The following ITGB3 variants were observed in gnomAD, a reference collection of about 807,000 sequenced individuals.
The protein encoded by ITGB3 is integrin beta-3.
ITGB3 carries 48 observed loss-of-function variants against 85.8 expected under a neutral mutation model. The ratio of observed to expected loss-of-function variants is 0.56; its 90% CI spans 0.44 to 0.71. ITGB3 has a LOEUF of 0.71. ITGB3 is among the 30% of genes least tolerant of loss of function. The pLI is 0.00. For synonymous variants in ITGB3, 363 were observed against 395.6 expected, an observed-to-expected ratio of 0.92 and a Z score of 0.98; for missense variants, 861 against 1,019.1, an observed-to-expected ratio of 0.84 and a Z score of 2.11.
intron 10 of ITGB3, among the ~76,000 whole-genome samples, chr17:47,296,734 T>G (rs1228531591): frequency 2.0e-5 from 3 of 152,310 alleles, no homozygotes; most frequent in African/African-American, 4.8e-5. Context: ...AACATCCTAA[T>G]GTACAGGACA....
chr17:47,254,428 T>C (rs181648103), intron 1 of ITGB3, among the ~76,000 whole-genome samples: 8 of 152,312 alleles, frequency 5.3e-5, no homozygotes, highest in Non-Finnish European at 1.0e-4. Context: ...ACATTTCCAA[T>C]TTCTCCTGTT....
intron 1 of ITGB3, among the ~76,000 whole-genome samples, chr17:47,272,494 A>G (rs1382486387): frequency 6.6e-6 from 1 of 152,116 alleles, no homozygotes; most frequent in East Asian, 1.9e-4. Context: ...ATAGGTCAAC[A>G]TCTACTCTTA....
chr17:47,302,700 C>T (rs1275662856), intron 12 of ITGB3, 21 bp from the exon 13 acceptor site: 1 of 1,613,890 alleles, frequency 6.2e-7, no homozygotes, highest in Admixed American at 1.7e-5. Context: ...CTTTTTATTC[C>T]TCCATTTTCC....
intron 1 of ITGB3, among the ~76,000 whole-genome samples, chr17:47,265,432 C>T (rs1367802464): frequency 6.6e-6 from 1 of 152,196 alleles, no homozygotes; most frequent in Non-Finnish European, 1.5e-5. Context: ...AATCCTTCCT[C>T]CTTCCTATCT....
chr17:47,299,546 GGA>G lies in ITGB3; in HGVS notation c.1913+22_1913+23del, dbSNP rs1374575345. Reference sequence around the variant, plus strand: ...CCTTTAAGAAGTGAGTGTGGAGTCTGGAGAGAGCCGGGAGGCTGGGAGGTAGG... The same window carrying G: ...CCTTTAAGAAGTGAGTGTGGAGTCTGGAGAGCCGGGAGGCTGGGAGGTAGG... On this transcript the variant is annotated intron_variant, in intron 11 of 14. Coordinates refer to ENST00000559488, the MANE Select transcript of ITGB3 (RefSeq NM_000212.3). The surrounding 1 kb of genome is among the most constrained non-coding windows in gnomAD (Gnocchi z 5.1). 4.3e-6 allele frequency: 7 copies of G among 1,610,752 alleles called. No individual in the cohort carries two copies. In the African/African-American group the frequency reaches 9.3e-5, roughly 22 times the overall value.
At chr17:47,306,801 T>C (rs1168621048) in intron 13 of ITGB3, among the ~76,000 whole-genome samples, 2 of 152,068 alleles carry the variant, frequency 1.3e-5, no homozygotes, top group African/African-American at 4.8e-5. Context: ...TGCTTCAGCC[T>C]CCCAAGTAGC....
intron 8 of ITGB3, 94 bp from the exon 9 acceptor site, chr17:47,290,860 C>G: frequency 6.8e-7 from 1 of 1,464,438 alleles, no homozygotes; most frequent in Non-Finnish European, 9.5e-7. Context: ...TCCAGAGCTA[C>G]TTGCCAGATT....
rs2065220597 is a variant in ITGB3, at chr17:47,312,756, G to A, written c.*2552G>A. On this transcript the variant is annotated 3_prime_UTR_variant, in exon 15 of 15. Transcript: ENST00000559488. ...GGGGATAACCTGTAGCTGCATTCAT[G>A]AGGTAGCAAATAGCAGTTTTGGCCT... Among the ~76,000 whole-genome samples, 2 of 152,198 alleles carry A rather than the reference G, an allele frequency of 1.3e-5. No individual in the cohort carries two copies. The highest frequency in any genetic ancestry group is 4.8e-5 in the African/African-American group (2 of 41,456).
At chr17:47,274,573 G>A in intron 2 of ITGB3, 69 bp downstream of exon 2, 1 of 1,340,370 alleles carries the variant, frequency 7.5e-7, no homozygotes. Flanking sequence ...ACAGACCCAT[G>A]AAGTTATCAC....
At chr17:47,256,099 A>C (rs1307126472) in intron 1 of ITGB3, among the ~76,000 whole-genome samples, 5 of 152,230 alleles carry the variant, frequency 3.3e-5, no homozygotes, top group Non-Finnish European at 7.3e-5. Context: ...TCACATTCAC[A>C]GTCTTCTAAA....
chr17:47,268,140 A>T (rs1170300083), intron 1 of ITGB3, among the ~76,000 whole-genome samples: 1 of 152,174 alleles, frequency 6.6e-6, no homozygotes, highest in Non-Finnish European at 1.5e-5. Flanking sequence ...AACTGCCCCC[A>T]TGATTCAATT....
intron 5 of ITGB3, among the ~76,000 whole-genome samples, chr17:47,286,689 G>C (rs2065103962): frequency 6.6e-6 from 1 of 152,198 alleles, no homozygotes; most frequent in Non-Finnish European, 1.5e-5. Flanking sequence ...TCAGAGTTAA[G>C]GCTGAGTTAA....
intron 1 of ITGB3, among the ~76,000 whole-genome samples, chr17:47,260,419 A>G (rs2065005117): frequency 6.6e-6 from 1 of 152,236 alleles, no homozygotes. Context: ...GAAAAAAAGA[A>G]GATCCTGCTG....
At chr17:47,309,989 G>A (rs981596586) in intron 14 of ITGB3, 150 bp from the exon 15 acceptor site, 1 of 710,746 alleles carries the variant, frequency 1.4e-6, no homozygotes, top group Non-Finnish European at 2.5e-6. Context: ...AAGAACTAAA[G>A]TGTGAGCAAA....
intron 1 of ITGB3, among the ~76,000 whole-genome samples, chr17:47,256,223 T>A (rs1933714621): frequency 6.6e-6 from 1 of 152,056 alleles, no homozygotes; most frequent in Non-Finnish European, 1.5e-5. Context: ...CCCAGCACTT[T>A]GGGAAGTGGA....
intron 10 of ITGB3, among the ~76,000 whole-genome samples, chr17:47,295,655 C>A (rs2065143132): frequency 6.6e-6 from 1 of 152,060 alleles, no homozygotes; most frequent in Non-Finnish European, 1.5e-5. Context: ...AAAGGAAACA[C>A]TATGGGACAA....
rs765078053 is a variant in ITGB3, at chr17:47,286,317, C to T, written c.672C>T (p.Asp224=). 4.3e-6 allele frequency: 7 copies of T among 1,614,058 alleles called. No homozygotes were observed. Among genetic ancestry groups the T allele is most frequent in the Non-Finnish European group, 5.9e-6 (7 of 1,180,038 alleles). Residue 224 remains aspartate, a synonymous_variant, in exon 5 of 15, where the codon GAC becomes GAT. Transcript: ENST00000559488. ...ACAAACACGTGCTGACGCTAACTGA[C>T]CAGGTGACCCGCTTCAATGAGGAAG... The part of the protein sequence containing the change: ...FGYKHVLTLT[D]QVTRFNEEVK...
intron 10 of ITGB3, among the ~76,000 whole-genome samples, chr17:47,295,532 G>A (rs1175068611): frequency 6.6e-6 from 1 of 152,144 alleles, no homozygotes; most frequent in East Asian, 1.9e-4. Context: ...CCTTTTAAGG[G>A]CTAACCCTAC....
Position 47,299,569 on chromosome 17 carries a change from G to A in ITGB3, c.1913+39G>A. Reference sequence around the variant, plus strand: ...CTGGAGAGAGCCGGGAGGCTGGGAGGTAGGAGAGGATCCCCTGACTAGAAT... The same window carrying A: ...CTGGAGAGAGCCGGGAGGCTGGGAGATAGGAGAGGATCCCCTGACTAGAAT... On this transcript the variant is annotated intron_variant, in intron 11 of 14. Transcript: ENST00000559488. The surrounding 1 kb of genome is among the most constrained non-coding windows in gnomAD (Gnocchi z 5.1). The A allele has an allele frequency of 1.3e-6, 2 of 1,575,826 alleles. No individual in the cohort carries two copies. Among genetic ancestry groups the A allele is most frequent in the Non-Finnish European group, 8.7e-7 (1 of 1,147,742 alleles).
Sources: allele counts gnomAD v4.1 joint callset (sites outside exome capture counted in the v4.1 genomes callset), GRCh38; gene constraint gnomAD v4.1.1; non-coding constraint Gnocchi (gnomAD v3.1); transcripts MANE v1.5; gene names NCBI Gene and HGNC (gene_info 2026-07-23, HGNC 2026-07-21).